MAGI2: variants seen among roughly 807,000 people sequenced by gnomAD.
The protein encoded by MAGI2 is membrane-associated guanylate kinase, WW and PDZ domain-containing protein 2.
In MAGI2, 35 loss-of-function variants were observed where a neutral mutation model predicts 133.3. The ratio of observed to expected loss-of-function variants is 0.26; its 90% confidence interval spans 0.20 to 0.35. The LOEUF (loss-of-function observed/expected upper bound fraction) is 0.35. Among genes scored for constraint, MAGI2 ranks in the 10% least tolerant of loss-of-function variants. The pLI, the probability that MAGI2 is intolerant of heterozygous loss-of-function variation, is 1.00. For missense variants in MAGI2, 1,636 were observed against 1,863.4 expected, an observed-to-expected ratio of 0.88 and a Z score of 2.25; for synonymous variants, 729 against 710.6, an observed-to-expected ratio of 1.03 and a Z score of -0.41.
intron 1 of MAGI2, among the ~76,000 whole-genome samples, chr7:79,392,177 A>G (rs1228456574): frequency 1.3e-5 from 2 of 152,134 alleles, no homozygotes; most frequent in Non-Finnish European, 2.9e-5. Flanking sequence ...GTCTCTGCAA[A>G]GGACATTATC....
chr7:79,388,997 G>C (rs1336565919), intron 1 of MAGI2, among the ~76,000 whole-genome samples: 2 of 151,762 alleles, frequency 1.3e-5, no homozygotes, highest in African/African-American at 4.8e-5. Context: ...ATTCAGAAAC[G>C]TCAAAGTTTT....
At chr7:78,964,929 G>A (rs1803174406) in intron 2 of MAGI2, among the ~76,000 whole-genome samples, 1 of 151,814 alleles carries the variant, frequency 6.6e-6, no homozygotes. Context: ...CTGGAGTAAA[G>A]GCTTATTTCT....
At chr7:78,178,171 A>G in intron 13 of MAGI2, 69 bp from the exon 14 acceptor site, 2 of 938,460 alleles carry the variant, frequency 2.1e-6, no homozygotes, top group Admixed American at 3.6e-5. Context: ...AACTGAACAT[A>G]CCAATGATAA....
At chr7:79,033,170 C>T (rs1471420833) in intron 1 of MAGI2, among the ~76,000 whole-genome samples, 1 of 152,098 alleles carries the variant, frequency 6.6e-6, no homozygotes, top group Non-Finnish European at 1.5e-5. Flanking sequence ...AAACAAAAAT[C>T]CTGGATGTAG....
Position 78,425,748 on chromosome 7 carries a change from G to A in MAGI2, c.1046-56535C>T, listed in dbSNP as rs140895542. Among the ~76,000 whole-genome samples, 5 of 152,294 alleles carry A rather than the reference G, an allele frequency of 3.3e-5. No individual in the cohort carries two copies. In the East Asian group the frequency reaches 9.7e-4, roughly 29 times the overall value. On this transcript the variant is annotated intron_variant, in intron 6 of 21. Coordinates refer to ENST00000354212, the MANE Select transcript of MAGI2 (RefSeq NM_012301.4). ...TAAAGGCATCTGAGATGTCAGAAAGGCCACAGCTTAGAAATAAGAATGATT... is the reference window on the plus strand; with the variant it reads ...TAAAGGCATCTGAGATGTCAGAAAGACCACAGCTTAGAAATAAGAATGATT...
chr7:78,787,670 T>C (rs906576575), intron 2 of MAGI2, among the ~76,000 whole-genome samples: 2 of 152,218 alleles, frequency 1.3e-5, no homozygotes, highest in South Asian at 2.1e-4. Flanking sequence ...ATATCACTTA[T>C]ATAGTTATAC....
chr7:78,195,887 T>C (rs1349647924), intron 11 of MAGI2, among the ~76,000 whole-genome samples: 1 of 152,216 alleles, frequency 6.6e-6, no homozygotes, highest in African/African-American at 2.4e-5. Context: ...AACTGATGCC[T>C]CATTCAAACT....
intron 1 of MAGI2, among the ~76,000 whole-genome samples, chr7:79,301,717 A>G (rs1248535954): frequency 3.3e-5 from 5 of 152,230 alleles, no homozygotes; most frequent in Non-Finnish European, 7.3e-5. Context: ...TAAGATTTTG[A>G]AAGGGCCAAG....
chr7:79,059,975 GTAA>G (rs1485974650), intron 1 of MAGI2, among the ~76,000 whole-genome samples: 1 of 152,100 alleles, frequency 6.6e-6, no homozygotes. Flanking sequence ...CATCTAATGA[GTAA>G]TGTATGAGGT....
At chr7:79,006,054 G>A (rs559792328) in intron 2 of MAGI2, among the ~76,000 whole-genome samples, 1 of 152,118 alleles carries the variant, frequency 6.6e-6, no homozygotes, top group Non-Finnish European at 1.5e-5. Flanking sequence ...GGTCAATAGG[G>A]CTGGGTGATA....
chr7:78,406,259 C>T (rs1797363583), intron 6 of MAGI2, among the ~76,000 whole-genome samples: 1 of 151,986 alleles, frequency 6.6e-6, no homozygotes, highest in African/African-American at 2.4e-5. Flanking sequence ...GCCTCCAACT[C>T]TATTCTAACA....
chr7:78,243,412 G>A (rs972617753), intron 10 of MAGI2, among the ~76,000 whole-genome samples: 2 of 152,146 alleles, frequency 1.3e-5, no homozygotes, highest in African/African-American at 4.8e-5. Context: ...TTAGAAAAAA[G>A]TATTAGCACT....
intron 1 of MAGI2, among the ~76,000 whole-genome samples, chr7:79,010,381 T>C (rs979317464): frequency 1.1e-4 from 17 of 152,100 alleles, no homozygotes; most frequent in African/African-American, 3.6e-4. Flanking sequence ...CATTGGGCAA[T>C]GATGTCCTCA....
chr7:78,457,821 CA>C (rs1789481451), intron 6 of MAGI2, among the ~76,000 whole-genome samples: 1 of 152,140 alleles, frequency 6.6e-6, no homozygotes, highest in South Asian at 2.1e-4. Context: ...AGCTGAGATT[CA>C]AATCCACTTC....
At chr7:78,650,172 C>A (rs1811393946) in intron 2 of MAGI2, among the ~76,000 whole-genome samples, 1 of 152,114 alleles carries the variant, frequency 6.6e-6, no homozygotes. Flanking sequence ...TGGTCAACAA[C>A]CGCAAGCACT....
intron 1 of MAGI2, among the ~76,000 whole-genome samples, chr7:79,235,456 C>T (rs1029109868): frequency 3.9e-5 from 6 of 152,196 alleles, no homozygotes; most frequent in Non-Finnish European, 7.3e-5. Context: ...ACTCCGTGGG[C>T]ATAGGACCCT....
chr7:78,852,708 T>A (rs1793249050), intron 2 of MAGI2, among the ~76,000 whole-genome samples: 1 of 152,134 alleles, frequency 6.6e-6, no homozygotes, highest in Non-Finnish European at 1.5e-5. Context: ...TTCCAATTTG[T>A]ACTATTGGAA....
intron 1 of MAGI2, among the ~76,000 whole-genome samples, chr7:79,119,969 T>A (rs1191855473): frequency 6.6e-6 from 1 of 152,088 alleles, no homozygotes; most frequent in Non-Finnish European, 1.5e-5. Context: ...GATTTATATG[T>A]TTAAATTCAA....
intron 2 of MAGI2, among the ~76,000 whole-genome samples, chr7:78,775,118 C>T (rs1188083354): frequency 2.6e-5 from 4 of 151,338 alleles, no homozygotes; most frequent in African/African-American, 9.7e-5. Context: ...TCGAGACCAT[C>T]CTGACTATCA....
Sources: gnomAD v4.1 joint callset for allele counts (sites outside exome capture counted in the v4.1 genomes callset) on GRCh38, gnomAD v4.1.1 for gene constraint, MANE v1.5 for transcripts, NCBI Gene and HGNC (gene_info 2026-07-23, HGNC 2026-07-21) for gene names.